The following CPNE8 variants were observed in gnomAD, a reference collection of about 807,000 sequenced individuals.
The protein encoded by CPNE8 is copine 8, also known as copine-8.
A neutral mutation model predicts 81.5 loss-of-function variants in CPNE8; 45 were observed. That is an observed-to-expected ratio of 0.55 (90% CI 0.44 to 0.71). The LOEUF is 0.71. Ranked by LOEUF, CPNE8 falls within the 30% of genes least tolerant of loss-of-function variation. The pLI, the probability that CPNE8 is intolerant of heterozygous loss-of-function variation, is 0.00. For missense variants in CPNE8, 594 were observed against 672.1 expected (o/e 0.88, Z 1.28); for synonymous variants, 252 against 226.3 (o/e 1.11, Z -1.02).
At chr12:38,708,644 A>T (rs1940173966) in intron 13 of CPNE8, among the ~76,000 whole-genome samples, 1 of 152,202 alleles carries the variant, frequency 6.6e-6, no homozygotes, top group Admixed American at 6.5e-5. Context: ...CTACTAAAAT[A>T]TGAACTTGGA....
At chr12:38,754,472 A>G (rs1941418322) in intron 10 of CPNE8, among the ~76,000 whole-genome samples, 1 of 152,112 alleles carries the variant, frequency 6.6e-6, no homozygotes, top group Non-Finnish European at 1.5e-5. Context: ...TAAAGATTGA[A>G]GTTTTTAGTT....
chr12:38,828,600 T>C (rs1705600068), intron 6 of CPNE8, among the ~76,000 whole-genome samples: 1 of 152,164 alleles, frequency 6.6e-6, no homozygotes, highest in African/African-American at 2.4e-5. Context: ...GGAATATTTA[T>C]TTTTTGAGTT....
At chr12:38,730,444 T>A in intron 10 of CPNE8, 86 bp from the exon 11 acceptor site, 2 of 659,404 alleles carry the variant, frequency 3.0e-6, no homozygotes, top group Admixed American at 2.7e-5. Flanking sequence ...GTTTAATCAT[T>A]ATCAAAAAAA....
chr12:38,820,231 C>G (rs981911285), intron 6 of CPNE8, among the ~76,000 whole-genome samples: 1 of 151,676 alleles, frequency 6.6e-6, no homozygotes, highest in African/African-American at 2.4e-5. Flanking sequence ...ATGGTGAAAC[C>G]CCATCTCTAC....
At chr12:38,717,460 C>T (rs56256848) in intron 13 of CPNE8, among the ~76,000 whole-genome samples, 7,872 of 41,986 alleles carry the variant, frequency 0.19, 689 homozygotes, top group East Asian at 0.47. Context: ...TATATATATA[C>T]ACCATGGAAT....
At chr12:38,755,072 T>A (rs1007258085) in intron 10 of CPNE8, among the ~76,000 whole-genome samples, 2 of 152,216 alleles carry the variant, frequency 1.3e-5, no homozygotes, top group African/African-American at 4.8e-5. Context: ...GTCATGATAA[T>A]GCATAATCCC....
intron 10 of CPNE8, among the ~76,000 whole-genome samples, chr12:38,746,465 A>G (rs1941229358): frequency 6.6e-6 from 1 of 152,226 alleles, no homozygotes; most frequent in Non-Finnish European, 1.5e-5. Flanking sequence ...AGACACCATA[A>G]GATGATAACA....
intron 3 of CPNE8, among the ~76,000 whole-genome samples, chr12:38,854,343 G>A (rs189817825): frequency 4.0e-5 from 6 of 151,752 alleles, no homozygotes; most frequent in South Asian, 2.1e-4. Flanking sequence ...CTCATTATCC[G>A]AGGCATTTTT....
At chr12:38,855,244 C>A (rs1943711659) in intron 3 of CPNE8, among the ~76,000 whole-genome samples, 1 of 151,634 alleles carries the variant, frequency 6.6e-6, no homozygotes, top group African/African-American at 2.4e-5. Flanking sequence ...AATTATGACA[C>A]AAATAAATGG....
intron 13 of CPNE8, among the ~76,000 whole-genome samples, chr12:38,719,584 G>GAAAAAAAAAA (rs34008352): frequency 3.2e-5 from 4 of 124,134 alleles, no homozygotes; most frequent in Non-Finnish European, 3.3e-5. Flanking sequence ...ATTGTCTCAG[G>GAAAAAAAAAA]AAAAAAAAAA....
At chr12:38,867,379 A>G (rs1943932912) in intron 3 of CPNE8, among the ~76,000 whole-genome samples, 1 of 151,948 alleles carries the variant, frequency 6.6e-6, no homozygotes, top group Admixed American at 6.6e-5. Flanking sequence ...ACAGAGAGAG[A>G]GAGAGAGATA....
intron 6 of CPNE8, among the ~76,000 whole-genome samples, chr12:38,801,141 C>A (rs1283153999): frequency 2.0e-5 from 1 of 48,982 alleles, no homozygotes; most frequent in Admixed American, 2.9e-4. Flanking sequence ...CGTTCAGATT[C>A]AGGAAATACA....
chr12:38,820,140 C>T (rs1295211541), intron 6 of CPNE8, among the ~76,000 whole-genome samples: 1 of 152,092 alleles, frequency 6.6e-6, no homozygotes, highest in East Asian at 1.9e-4. Flanking sequence ...GGCGTGGTGG[C>T]TCACTCCTGT....
At chr12:38,664,766 G>T (rs1053630198) in intron 19 of CPNE8, among the ~76,000 whole-genome samples, 1 of 152,022 alleles carries the variant, frequency 6.6e-6, no homozygotes, top group Non-Finnish European at 1.5e-5. Context: ...AGGTAAAAAA[G>T]AAATCCTCAA....
intron 6 of CPNE8, among the ~76,000 whole-genome samples, chr12:38,819,184 T>C (rs1482675336): frequency 6.6e-6 from 1 of 152,210 alleles, no homozygotes; most frequent in Admixed American, 6.5e-5. Context: ...TTGCTTTTGG[T>C]GTTTTAGTCA....
chr12:38,720,020 C>T (rs541706046), intron 13 of CPNE8, among the ~76,000 whole-genome samples: 56 of 152,178 alleles, frequency 3.7e-4, no homozygotes, highest in Middle Eastern at 3.4e-3. Context: ...CAGAGTCTTG[C>T]TGTCGCCCAG....
intron 19 of CPNE8, among the ~76,000 whole-genome samples, chr12:38,662,497 G>A (rs1023894498): frequency 1.3e-5 from 2 of 151,948 alleles, no homozygotes; most frequent in Non-Finnish European, 2.9e-5. Flanking sequence ...AATTTAAGAA[G>A]ACACAAAAAT....
intron 14 of CPNE8, among the ~76,000 whole-genome samples, chr12:38,697,112 G>C (rs978343402): frequency 3.3e-5 from 5 of 152,118 alleles, no homozygotes; most frequent in African/African-American, 4.8e-5. Context: ...ATAGTTATGT[G>C]CAATCATCAC....
intron 3 of CPNE8, among the ~76,000 whole-genome samples, chr12:38,870,555 C>A (rs1943976738): frequency 6.6e-6 from 1 of 152,142 alleles, no homozygotes; most frequent in Non-Finnish European, 1.5e-5. Context: ...GAAAACTAAA[C>A]ACCACATGGT....
Sources: allele counts gnomAD v4.1 joint callset (sites outside exome capture counted in the v4.1 genomes callset), GRCh38; gene constraint gnomAD v4.1.1; transcripts MANE v1.5; gene names NCBI Gene and HGNC (gene_info 2026-07-23, HGNC 2026-07-21).